ABCC8: variants seen among roughly 807,000 people sequenced by gnomAD.
ABCC8 encodes the protein ATP binding cassette subfamily C member 8, also known as ATP-binding cassette sub-family C member 8.
In ABCC8, 137 loss-of-function variants were observed where a neutral mutation model predicts 188.0. The observed-to-expected ratio is 0.73, with a 90% confidence interval of 0.63 to 0.84. ABCC8 has a LOEUF of 0.84. ABCC8 is among the 40% of genes least tolerant of loss of function. The pLI, the probability that ABCC8 is intolerant of heterozygous loss-of-function variation, is 0.00. For synonymous variants in ABCC8, 797 were observed against 846.5 expected (o/e 0.94, Z 1.01); for missense variants, 1,750 against 2,072.7 (o/e 0.84, Z 3.02).
intron 6 of ABCC8, among the ~76,000 whole-genome samples, chr11:17,454,312 G>T (rs1956915492): frequency 6.6e-6 from 1 of 152,180 alleles, no homozygotes; most frequent in Admixed American, 6.5e-5. Context: ...GTTTAACAGA[G>T]GTTCTCTAAG....
chr11:17,468,133 A>AAT (rs1475690530), intron 3 of ABCC8, among the ~76,000 whole-genome samples: 1 of 151,964 alleles, frequency 6.6e-6, no homozygotes. Context: ...TCCCATTCAT[A>AAT]CTCATGTGGG....
chr11:17,394,217 A>G (rs750527048), intron 37 of ABCC8, 49 bp downstream of exon 37: 1 of 1,603,504 alleles, frequency 6.2e-7, no homozygotes, highest in South Asian at 1.1e-5. Context: ...CTAGCATCCC[A>G]CTAAACCCTT....
intron 26 of ABCC8, 83 bp from the exon 27 acceptor site, chr11:17,405,646 TGTAA>T: frequency 1.2e-6 from 2 of 1,607,382 alleles, no homozygotes; most frequent in South Asian, 1.1e-5. Context: ...AATTATTTCA[TGTAA>T]GTGTCTCTGG....
rs1955650905 is a variant in ABCC8, at chr11:17,427,800, T to C, written c.2116+67A>G. On this transcript the variant is annotated intron_variant, in intron 15 of 38. Coordinates refer to ENST00000389817, the MANE Select transcript of ABCC8 (RefSeq NM_000352.6). This position sits in a 1 kb window ranked among gnomAD's most constrained non-coding sequence, Gnocchi z 5.0. ...GGTGCTCAATAAATGCAGCTTTGTC[T>C]TTTTATCTCTATGTTATTCAGTGGG... 1 of 1,587,932 alleles carries C rather than the reference T, an allele frequency of 6.3e-7. No individual in the cohort carries two copies.
chr11:17,431,833 A>G (rs1955861156), intron 11 of ABCC8, among the ~76,000 whole-genome samples: 1 of 152,244 alleles, frequency 6.6e-6, no homozygotes, highest in Non-Finnish European at 1.5e-5. Flanking sequence ...AAACACATTA[A>G]AAATGTTACC....
At chr11:17,397,845 A>G (rs940586871) in intron 30 of ABCC8, 48 bp from the exon 31 acceptor site, 9 of 1,606,362 alleles carry the variant, frequency 5.6e-6, no homozygotes, top group Admixed American at 5.1e-5. Context: ...TTAGAGCCAC[A>G]GGCCCCTGTT....
intron 38 of ABCC8, 28 bp downstream of exon 38, chr11:17,393,669 C>T: frequency 1.2e-6 from 2 of 1,614,106 alleles, no homozygotes; most frequent in Non-Finnish European, 1.7e-6. Context: ...CTGGGTGTCC[C>T]TCTGCACCCC....
At chr11:17,431,588 C>T (rs780070090) in intron 11 of ABCC8, among the ~76,000 whole-genome samples, 10 of 152,208 alleles carry the variant, frequency 6.6e-5, no homozygotes, top group African/African-American at 1.2e-4. Context: ...GCTGCAGGCT[C>T]GTAGGGGCCC....
intron 16 of ABCC8, among the ~76,000 whole-genome samples, chr11:17,421,665 T>C (rs1368173085): frequency 6.6e-6 from 1 of 152,150 alleles, no homozygotes; most frequent in Non-Finnish European, 1.5e-5. Context: ...ACATGCTAGG[T>C]TAATCCTCAC....
chr11:17,428,610 G>C lies in ABCC8; in HGVS notation c.1878C>G (p.Pro626=), dbSNP rs373130710. Residue 626 remains proline, a synonymous_variant, in exon 13 of 39, where the codon CCC becomes CCG. Coordinates refer to ENST00000389817, the MANE Select transcript of ABCC8 (RefSeq NM_000352.6). The part of the protein sequence containing the change: ...SAEIREEQCA[P]HEPTPQGPAS... ...CTGGGCCCTGAGGTGTGGGCTCATG[G>C]GGGGCACACTGCTCCTCACGGATCT... 3.7e-6 allele frequency: 6 copies of C among 1,614,108 alleles called. No homozygotes were observed. Among genetic ancestry groups the C allele is most frequent in the Non-Finnish European group, 5.1e-6 (6 of 1,180,036 alleles).
intron 19 of ABCC8, among the ~76,000 whole-genome samples, chr11:17,413,922 T>C (rs1209627079): frequency 6.6e-6 from 1 of 152,148 alleles, no homozygotes; most frequent in Non-Finnish European, 1.5e-5. Flanking sequence ...CCAGAGTTCA[T>C]GGAGGCATCA....
Position 17,427,329 on chromosome 11 carries a change from A to C in ABCC8, c.2117-175T>G. The C allele has an allele frequency of 4.8e-6, 4 of 826,174 alleles. No homozygotes were observed. Among genetic ancestry groups the C allele is most frequent in the Non-Finnish European group, 4.4e-6 (3 of 684,862 alleles). 51.2% of individuals were successfully genotyped at this position (826,174 alleles called of 1,614,324 possible). A position where few individuals can be genotyped will look rare whatever the true frequency, so the allele number is the denominator to read the frequency against. Reference sequence around the variant, plus strand: ...TAATCCTTTCCTTCTGGAAATCAACATCCTCCTCTGGCTCCCCAGGTCCTT... The same window carrying C: ...TAATCCTTTCCTTCTGGAAATCAACCTCCTCCTCTGGCTCCCCAGGTCCTT... On this transcript the variant is annotated intron_variant, in intron 15 of 38. Coordinates refer to ENST00000389817, the MANE Select transcript of ABCC8 (RefSeq NM_000352.6). This position sits in a 1 kb window ranked among gnomAD's most constrained non-coding sequence, Gnocchi z 5.0.
rs747674836 is a variant in ABCC8 at position 17,404,488 on chromosome 11, A to G, written c.3557+24T>C. ...AACTGCACATTGCAAAGCACCTCCC[A>G]CCCCTCACCCCTGAGGCCATCACCT... On this transcript the variant is annotated intron_variant, in intron 28 of 38. Coordinates refer to ENST00000389817, the MANE Select transcript of ABCC8 (RefSeq NM_000352.6). The surrounding 1 kb of genome is among the most constrained non-coding windows in gnomAD (Gnocchi z 4.7). 6.2e-7 allele frequency: 1 copy of G among 1,604,892 alleles called. No individual in the cohort carries two copies. The highest frequency in any genetic ancestry group is 1.1e-5 in the South Asian group (1 of 90,862).
Position 17,396,625 on chromosome 11 carries a change from G to A in ABCC8, c.4119+291C>T, listed in dbSNP as rs556945944. On this transcript the variant is annotated intron_variant, in intron 33 of 38. Transcript: ENST00000389817. The stretch of plus-strand genomic sequence containing the variant: ...CCCTAGGGAAAGCCCCTGACCATTC[G>A]CAGAGAGGGAGGCCCTGACAAAGCC... 11 of 454,776 alleles carry A rather than the reference G, an allele frequency of 2.4e-5. 1 individual carries two copies. Among genetic ancestry groups the A allele is most frequent in the African/African-American group, 1.8e-4 (9 of 50,056 alleles). 28.2% of individuals were successfully genotyped at this position (454,776 alleles called of 1,614,324 possible).
chr11:17,404,366 G>T lies in ABCC8; in HGVS notation c.3557+146C>A. 1.2e-6 allele frequency: 1 copy of T among 867,738 alleles called. No homozygotes were observed. The allele number at this position is 867,738 out of a possible 1,614,324, so 53.8% of individuals were successfully genotyped here. On this transcript the variant is annotated intron_variant, in intron 28 of 38. Transcript: ENST00000389817. The surrounding 1 kb of genome is among the most constrained non-coding windows in gnomAD (Gnocchi z 4.7). The stretch of plus-strand genomic sequence containing the variant: ...TATTAGGGCGGTGGAATAAGATGTG[G>T]ATATTTCTATTTCCTTCATTTCTGT...
At chr11:17,411,979 G>A (rs1356438888) in intron 21 of ABCC8, among the ~76,000 whole-genome samples, 10 of 144,042 alleles carry the variant, frequency 6.9e-5, no homozygotes, top group Non-Finnish European at 1.3e-4. Flanking sequence ...TGCAAGCTCC[G>A]CCTCCCGGGT....
At position 17,414,659 on chromosome 11, in the gene ABCC8, G is replaced by A. The variant is rs1357068409; in HGVS notation, c.2292-49C>T. The A allele has an allele frequency of 3.7e-6, 6 of 1,610,898 alleles. No individual in the cohort carries two copies. In the South Asian group the frequency reaches 6.6e-5, roughly 18 times the overall value. Reference sequence around the variant, plus strand: ...GGGGGTGCGGAAGGCATTCTCAGGGGCTTGTTCTCAGAGGCAGTTGTCAAG... The same window carrying A: ...GGGGGTGCGGAAGGCATTCTCAGGGACTTGTTCTCAGAGGCAGTTGTCAAG... On this transcript the variant is annotated intron_variant, in intron 18 of 38. Transcript: ENST00000389817.
intron 33 of ABCC8, 38 bp downstream of exon 33, chr11:17,396,878 G>T: frequency 6.2e-7 from 1 of 1,610,886 alleles, no homozygotes; most frequent in African/African-American, 1.3e-5. Flanking sequence ...CCCTGCTCAC[G>T]CCTGTCCTGC....
At chr11:17,440,146 C>T (rs1415831323) in intron 10 of ABCC8, among the ~76,000 whole-genome samples, 2 of 152,134 alleles carry the variant, frequency 1.3e-5, no homozygotes, top group African/African-American at 2.4e-5. Flanking sequence ...CCTTGGGGAC[C>T]CAGTGCCCCC....
Sources: gnomAD v4.1 joint callset for allele counts (sites outside exome capture counted in the v4.1 genomes callset) on GRCh38, gnomAD v4.1.1 for gene constraint, Gnocchi (gnomAD v3.1) non-coding constraint, MANE v1.5 for transcripts, NCBI Gene and HGNC (gene_info 2026-07-23, HGNC 2026-07-21) for gene names.